Variants in MGMT observed in about 807,000 individuals in gnomAD.
The protein encoded by MGMT is methylated-DNA--protein-cysteine methyltransferase.
Under a neutral mutation model 15.9 loss-of-function variants are expected in MGMT, and 14 were observed. The observed-to-expected ratio is 0.88, with a 90% CI of 0.58 to 1.37. The LOEUF (loss-of-function observed/expected upper bound fraction) is 1.37, where lower values mean the gene tolerates loss of function less well. Ranked by LOEUF, MGMT falls within the 40% of genes most tolerant of loss-of-function variation. The probability of loss-of-function intolerance (pLI) is 0.00; values close to 1 mark genes in which losing one functional copy is unlikely to be tolerated. For missense variants in MGMT, 282 were observed against 268.1 expected, an observed-to-expected ratio of 1.05 and a Z score of -0.36; for synonymous variants, 130 against 118.2, an observed-to-expected ratio of 1.10 and a Z score of -0.65.
At chr10:129,581,952 G>A (rs546301435) in intron 2 of MGMT, among the ~76,000 whole-genome samples, 1 of 152,176 alleles carries the variant, frequency 6.6e-6, no homozygotes, top group Non-Finnish European at 1.5e-5. Flanking sequence ...CTGCCTGGCC[G>A]GCGTCTTGTA....
chr10:129,725,196 C>T (rs1848418286), intron 3 of MGMT, among the ~76,000 whole-genome samples: 1 of 152,234 alleles, frequency 6.6e-6, no homozygotes. Flanking sequence ...TGCAGCCGTC[C>T]CTGTCCAGCC....
chr10:129,765,544 A>G (rs576734125), intron 4 of MGMT, among the ~76,000 whole-genome samples: 9 of 152,314 alleles, frequency 5.9e-5, no homozygotes, highest in African/African-American at 1.7e-4. Context: ...TTATTAGGGT[A>G]AAAGCGAGAT....
intron 2 of MGMT, among the ~76,000 whole-genome samples, chr10:129,610,524 G>A (rs1468273324): frequency 2.0e-5 from 3 of 152,228 alleles, no homozygotes; most frequent in Admixed American, 6.5e-5. Flanking sequence ...ATGCAATAGC[G>A]ATTCCTCATG....
At chr10:129,505,940 G>C (rs1365131318) in intron 1 of MGMT, among the ~76,000 whole-genome samples, 3 of 149,016 alleles carry the variant, frequency 2.0e-5, no homozygotes, top group Non-Finnish European at 4.4e-5. Flanking sequence ...ACACCAACAG[G>C]CTTTGTGAAT....
chr10:129,629,697 C>T (rs1847189350), intron 2 of MGMT, among the ~76,000 whole-genome samples: 1 of 152,156 alleles, frequency 6.6e-6, no homozygotes, highest in Admixed American at 6.5e-5. Flanking sequence ...TCTGCCATTG[C>T]TCACAGATAA....
intron 2 of MGMT, among the ~76,000 whole-genome samples, chr10:129,614,380 G>A (rs1004625812): frequency 8.5e-5 from 13 of 152,144 alleles, no homozygotes; most frequent in Admixed American, 2.0e-4. Context: ...GCTAGTGATC[G>A]TCTGTGGGCT....
intron 2 of MGMT, among the ~76,000 whole-genome samples, chr10:129,593,629 T>C (rs1846715815): frequency 6.6e-6 from 1 of 152,230 alleles, no homozygotes; most frequent in East Asian, 1.9e-4. Flanking sequence ...CACTGTGCCT[T>C]GTTCAGAGGT....
rs74160212 is a variant in MGMT at position 129,533,942 on chromosome 10, G to A, written c.-12-2299G>A. ...TGAGACTTGGGGGAGTTGGGGCAGC[G>A]TACTCCAGGGGATAAGATCAGAGGT... On this transcript the variant is annotated intron_variant, in intron 1 of 4. Transcript: ENST00000651593. The surrounding 1 kb of genome is among the most constrained non-coding windows in gnomAD (Gnocchi z 4.5). Among the ~76,000 whole-genome samples, 1,130 of 152,206 alleles carry A rather than the reference G, an allele frequency of 7.4e-3. 23 individuals carry two copies. The highest frequency in any genetic ancestry group is 0.026 in the African/African-American group (1,089 of 41,530).
intron 2 of MGMT, among the ~76,000 whole-genome samples, chr10:129,596,872 G>A (rs560611018): frequency 6.6e-6 from 1 of 152,266 alleles, no homozygotes; most frequent in Admixed American, 6.5e-5. Context: ...AGAGAGGGAA[G>A]CATTTTTGGA....
chr10:129,620,369 G>GC (rs1288213609), intron 2 of MGMT, among the ~76,000 whole-genome samples: 5 of 152,210 alleles, frequency 3.3e-5, no homozygotes, highest in Non-Finnish European at 5.9e-5. Flanking sequence ...GGCGTGTTGT[G>GC]CAGGTCTTCC....
chr10:129,707,817 A>G, intron 2 of MGMT, 78 bp from the exon 3 acceptor site: 1 of 1,581,458 alleles, frequency 6.3e-7, no homozygotes, highest in Non-Finnish European at 8.6e-7. Flanking sequence ...GCCCGTTTAG[A>G]TGCAGTAGGT....
chr10:129,753,233 G>T (rs990981395), intron 3 of MGMT, among the ~76,000 whole-genome samples: 1 of 152,076 alleles, frequency 6.6e-6, no homozygotes, highest in African/African-American at 2.4e-5. Flanking sequence ...TGCATTGTTT[G>T]TTTCTAGTGG....
intron 1 of MGMT, among the ~76,000 whole-genome samples, chr10:129,519,136 C>T (rs2119718624): frequency 6.6e-6 from 1 of 152,244 alleles, no homozygotes; most frequent in South Asian, 2.1e-4. Context: ...CGGAGACTAC[C>T]AAGCTGTCTT....
intron 2 of MGMT, among the ~76,000 whole-genome samples, chr10:129,643,591 G>A (rs796505270): frequency 4.6e-5 from 7 of 152,156 alleles, no homozygotes; most frequent in Admixed American, 1.3e-4. Flanking sequence ...CATGCTAAGC[G>A]AGCAGGGACC....
intron 2 of MGMT, among the ~76,000 whole-genome samples, chr10:129,699,173 G>C (rs1318234204): frequency 6.6e-6 from 1 of 152,108 alleles, no homozygotes; most frequent in Non-Finnish European, 1.5e-5. Context: ...AACATTTGGA[G>C]GGGGGAGGTA....
chr10:129,716,473 C>T (rs1303138635), intron 3 of MGMT, among the ~76,000 whole-genome samples: 2 of 152,164 alleles, frequency 1.3e-5, no homozygotes, highest in Non-Finnish European at 2.9e-5. Flanking sequence ...GGATTGGGCT[C>T]CGCGATCCCC....
intron 2 of MGMT, among the ~76,000 whole-genome samples, chr10:129,689,792 G>T (rs1298312253): frequency 2.0e-5 from 3 of 152,358 alleles, no homozygotes; most frequent in Admixed American, 2.0e-4. Flanking sequence ...ATTGCCTCAT[G>T]CTGCTGTGTG....
intron 2 of MGMT, among the ~76,000 whole-genome samples, chr10:129,539,963 G>A (rs558869698): frequency 6.6e-6 from 1 of 152,304 alleles, no homozygotes; most frequent in East Asian, 1.9e-4. Flanking sequence ...TCGACTGGGA[G>A]TTCATTGAAC....
chr10:129,716,372 T>C (rs1439427993), intron 3 of MGMT, among the ~76,000 whole-genome samples: 1 of 152,220 alleles, frequency 6.6e-6, no homozygotes, highest in Non-Finnish European at 1.5e-5. Flanking sequence ...AAACACATAT[T>C]GTGTAAGAAA....
Sources: allele counts gnomAD v4.1 joint callset (sites outside exome capture counted in the v4.1 genomes callset), GRCh38; gene constraint gnomAD v4.1.1; non-coding constraint Gnocchi (gnomAD v3.1); transcripts MANE v1.5; gene names NCBI Gene and HGNC (gene_info 2026-07-23, HGNC 2026-07-21).